The following CDCA3 variants were observed in gnomAD, a reference collection of about 807,000 sequenced individuals.
CDCA3 encodes the protein cell division cycle-associated protein 3.
Under a neutral mutation model 29.1 loss-of-function variants are expected in CDCA3, and 16 were observed. The ratio of observed to expected loss-of-function variants is 0.55; its 90% CI spans 0.37 to 0.83. The LOEUF (loss-of-function observed/expected upper bound fraction) is 0.83, where lower values mean the gene tolerates loss of function less well. Ranked by LOEUF, CDCA3 falls within the 40% of genes least tolerant of loss-of-function variation. The pLI is 0.00. For missense variants in CDCA3, 291 were observed against 327.2 expected, an observed-to-expected ratio of 0.89 and a Z score of 0.85; for synonymous variants, 88 against 124.5, an observed-to-expected ratio of 0.71 and a Z score of 1.95.
At chr12:6,847,835 A>G (rs1555125115), downstream of CDCA3, among the ~76,000 whole-genome samples, 1 of 152,140 alleles carries the variant, frequency 6.6e-6, no homozygotes, top group Non-Finnish European at 1.5e-5. Context: ...CTGGGGAAAC[A>G]AGGTAGGAGG....
downstream of CDCA3, chr12:6,847,234 C>A: frequency 3.1e-6 from 1 of 325,328 alleles, no homozygotes; most frequent in Non-Finnish European, 5.8e-6. Flanking sequence ...TCCCCCAGAG[C>A]CACTACCTTT....
At chr12:6,847,193 T>C, downstream of CDCA3, 1 of 379,302 alleles carries the variant, frequency 2.6e-6, no homozygotes, top group South Asian at 4.1e-5. Flanking sequence ...CCCAGCAGAC[T>C]TGAGTCTGAG....
In CDCA3 at chr12:6,850,825, C is replaced by T. The variant is rs202020864; in HGVS notation, c.120+8G>A. ...ATTCTCTGCCTTTCCCACGCTGGCC[C>T]AGAGTACCTGGATGGGAGTGCGCAG... is the stretch of plus-strand genomic sequence containing the variant. On this transcript the variant is annotated splice_region_variant and intron_variant, in intron 2 of 5. Transcript: ENST00000538862. The surrounding 1 kb of genome is among the most constrained non-coding windows in gnomAD (Gnocchi z 4.7). The T allele has an allele frequency of 5.6e-6, 9 of 1,613,402 alleles. No homozygotes were observed. Among genetic ancestry groups the T allele is most frequent in the African/African-American group, 5.3e-5 (4 of 75,050 alleles).
At chr12:6,846,732 C>T, downstream of CDCA3, 2 of 933,622 alleles carry the variant, frequency 2.1e-6, no homozygotes, top group Non-Finnish European at 1.7e-6. Flanking sequence ...TACACGCATG[C>T]ACACACTGCT....
At chr12:6,846,957 C>A, downstream of CDCA3, 1 of 935,224 alleles carries the variant, frequency 1.1e-6, no homozygotes, top group Non-Finnish European at 1.7e-6. Context: ...CCCTGCCCGA[C>A]CCCATCTCAT....
chr12:6,849,096 G>T lies in CDCA3; in HGVS notation c.754C>A (p.Gln252Lys). Residue 252 changes from glutamine to lysine, a missense_variant, in exon 6 of 6, where the codon CAA becomes AAA. Physicochemically the swap from Gln to Lys is moderately conservative, Grantham distance 53. Transcript: ENST00000538862. The surrounding 1 kb of genome is among the most constrained non-coding windows in gnomAD (Gnocchi z 5.2). ...LLKTGGRAWE[Q>K]GQDHDKENQH... ...TTTTCCTTGTCATGGTCCTGGCCTT[G>T]CTCCCATGCTCGTCCTCCAGTTTTC... 1.4e-6 allele frequency: 2 copies of T among 1,430,994 alleles called. No homozygotes were observed. The highest frequency in any genetic ancestry group is 2.0e-6 in the Non-Finnish European group (2 of 1,012,934). 88.6% of individuals were successfully genotyped at this position (1,430,994 alleles called of 1,614,324 possible).
downstream of CDCA3, chr12:6,845,857 T>G: frequency 9.3e-7 from 1 of 1,078,616 alleles, no homozygotes; most frequent in East Asian, 2.8e-5. Context: ...TCCCCAGCCC[T>G]CCCTCCCCAT....
downstream of CDCA3, chr12:6,846,781 C>T (rs546229484): frequency 1.3e-6 from 2 of 1,531,880 alleles, no homozygotes; most frequent in Non-Finnish European, 1.8e-6. Flanking sequence ...ACTCCTTTCC[C>T]TCTTCCTCAG....
downstream of CDCA3, chr12:6,846,512 G>A (rs1236082959): frequency 1.9e-5 from 6 of 324,272 alleles, no homozygotes; most frequent in South Asian, 2.6e-4. Flanking sequence ...TCTTGACAGA[G>A]AACCCCCTGC....
At chr12:6,847,910 A>T (rs1943738488), downstream of CDCA3, among the ~76,000 whole-genome samples, 1 of 152,214 alleles carries the variant, frequency 6.6e-6, no homozygotes, top group Non-Finnish European at 1.5e-5. Context: ...GGAAGAGATT[A>T]AAGATGTGGA....
At chr12:6,845,634 T>G (rs2137991224), downstream of CDCA3, 1 of 1,613,760 alleles carries the variant, frequency 6.2e-7, no homozygotes, top group Non-Finnish European at 8.5e-7. Flanking sequence ...TGACGCTTCC[T>G]GCCGCTTGTT....
chr12:6,846,761 A>T, downstream of CDCA3: 2 of 1,283,892 alleles, frequency 1.6e-6, no homozygotes, highest in Non-Finnish European at 2.2e-6. Context: ...CAGCTTGGAG[A>T]GACAGGCTGA....
In CDCA3 at chr12:6,848,997, A is replaced by ATC; in HGVS notation, c.*45_*46insGA. 1.3e-6 allele frequency: 1 copy of ATC among 777,082 alleles called. No homozygotes were observed. Among genetic ancestry groups the ATC allele is most frequent in the South Asian group, 1.4e-5 (1 of 72,894 alleles). 48.1% of individuals were successfully genotyped at this position (777,082 alleles called of 1,614,324 possible). On this transcript the variant is annotated 3_prime_UTR_variant, in exon 6 of 6. Coordinates refer to ENST00000538862, the MANE Select transcript of CDCA3 (RefSeq NM_031299.7). ...GGAAAGAAGGGGTGAGAGGACACAG[A>ATC]TATCACCAGGCCCTGGGTGACTGCA...
At chr12:6,846,644 CACACATGCAT>C (rs1943706690), downstream of CDCA3, 1 of 612,116 alleles carries the variant, frequency 1.6e-6, no homozygotes, top group Admixed American at 2.5e-5. Flanking sequence ...TACACACACC[CACACATGCAT>C]ACACATGCAC....
downstream of CDCA3, chr12:6,847,077 G>A (rs1411024336): frequency 3.4e-6 from 2 of 581,588 alleles, no homozygotes; most frequent in Non-Finnish European, 6.2e-6. Flanking sequence ...GGGACACAGG[G>A]GCAAAGAACT....
At position 6,849,375 on chromosome 12, in the gene CDCA3, G is replaced by A. The variant is rs1943780406; in HGVS notation, c.599C>T (p.Pro200Leu). 2 of 1,606,164 alleles carry A rather than the reference G, an allele frequency of 1.2e-6. No homozygotes were observed. Among genetic ancestry groups the A allele is most frequent in the Admixed American group, 1.7e-5 (1 of 58,912 alleles). ...PNSSKVLGRS[P>L]LTILQDDNSP... ...GTTGTCATCCTGCAGGATGGTGAGG[G>A]GGGATCTCCCTAGTACCTTGCTGCT... is the stretch of plus-strand genomic sequence containing the variant. Residue 200 changes from proline to leucine, a missense_variant, in exon 5 of 6, where the codon CCC (proline) becomes CTC (leucine). By Grantham distance (98) the Pro-to-Leu change is moderately conservative (BLOSUM62 -3). Transcript: ENST00000538862. This position sits in a 1 kb window ranked among gnomAD's most constrained non-coding sequence, Gnocchi z 5.2.
In CDCA3 at chr12:6,850,182, A is replaced by T. The variant is rs930675496; in HGVS notation, c.250+285T>A. 3.9e-5 allele frequency: 18 copies of T among 456,204 alleles called. 1 individual carries two copies. Among genetic ancestry groups the T allele is most frequent in the Non-Finnish European group, 6.8e-5 (17 of 250,862 alleles). The allele number at this position is 456,204 out of a possible 1,614,324, so 28.3% of individuals were successfully genotyped here. A position where few individuals can be genotyped will look rare whatever the true frequency, so the allele number is the denominator to read the frequency against. ...GCTTTTGTGTGTGTGTGTGTGTGTT[A>T]TGTGTGTGTATTTTTTCTAGAGATG... On this transcript the variant is annotated intron_variant, in intron 3 of 5. Transcript: ENST00000538862. This position sits in a 1 kb window ranked among gnomAD's most constrained non-coding sequence, Gnocchi z 4.7.
Position 6,850,533 on chromosome 12 carries a change from G to C in CDCA3, c.184C>G (p.Gln62Glu). 6.2e-7 allele frequency: 1 copy of C among 1,614,022 alleles called. No homozygotes were observed. The highest frequency in any genetic ancestry group is 8.5e-7 in the Non-Finnish European group (1 of 1,179,982). ...GEQLEGLKHAQDSDPRSPTLG... is the reference protein window; with the variant it reads ...GEQLEGLKHAEDSDPRSPTLG... ...GTAGGAGAGCGGGGATCTGAGTCCT[G>C]GGCATGTTTAAGACCCTCCAGTTGC... Residue 62 changes from glutamine (Q) to glutamate (E), a missense_variant, in exon 3 of 6, where the codon CAG becomes GAG. By Grantham distance (29) the Gln-to-Glu change is conservative. Coordinates refer to ENST00000538862, the MANE Select transcript of CDCA3 (RefSeq NM_031299.7). The surrounding 1 kb of genome is among the most constrained non-coding windows in gnomAD (Gnocchi z 4.7).
rs1296470993 is a variant in CDCA3 at position 6,849,785 on chromosome 12, T to TG, written c.323dup (p.Glu109ArgfsTer13). The TG allele has an allele frequency of 3.8e-6, 6 of 1,596,688 alleles. No homozygotes were observed. The African/African-American group carries it at 8.1e-5, about 22-fold the overall frequency. The stretch of plus-strand genomic sequence containing the variant: ...GTGCCTCTGGGGGCAGAACAGGCTC[T>TG]GGGGGAAGATTTGATTTAGAGTCTT... On this transcript the variant is annotated frameshift_variant, in exon 4 of 6. Transcript: ENST00000538862. LOFTEE classifies it high-confidence loss of function. The surrounding 1 kb of genome is among the most constrained non-coding windows in gnomAD (Gnocchi z 5.2).
Sources: allele counts gnomAD v4.1 joint callset (sites outside exome capture counted in the v4.1 genomes callset), GRCh38; gene constraint gnomAD v4.1.1; non-coding constraint Gnocchi (gnomAD v3.1); transcripts MANE v1.5; gene names NCBI Gene and HGNC (gene_info 2026-07-23, HGNC 2026-07-21).